AK2: variants seen among roughly 807,000 people sequenced by gnomAD.
The protein encoded by AK2 is adenylate kinase 2, mitochondrial.
AK2 carries 15 observed loss-of-function variants against 24.6 expected under a neutral mutation model. The observed-to-expected ratio is 0.61, with a 90% CI of 0.41 to 0.94. AK2 has a LOEUF of 0.94. Among genes scored for constraint, AK2 ranks in the 40% least tolerant of loss-of-function variants. The pLI, the probability that AK2 is intolerant of heterozygous loss-of-function variation, is 0.00. For synonymous variants in AK2, 102 were observed against 114.0 expected, an observed-to-expected ratio of 0.90 and a Z score of 0.67; for missense variants, 257 against 304.1, an observed-to-expected ratio of 0.85 and a Z score of 1.15.
chr1:33,024,314 C>A, intron 2 of AK2, 128 bp downstream of exon 2: 1 of 1,300,794 alleles, frequency 7.7e-7, no homozygotes. Context: ...GCTAGTGCAA[C>A]TGAGGAACTG....
At position 33,023,401 on chromosome 1, in the gene AK2, T is replaced by TACAACA. The variant is rs71909186; in HGVS notation, c.219+1035_219+1040dup. On this transcript the variant is annotated intron_variant, in intron 2 of 5. Coordinates refer to ENST00000672715, the MANE Select transcript of AK2 (RefSeq NM_001625.4). Reference sequence around the variant, plus strand: ...GGGCAACACAGTGAGACTCCATCTCTACAACAACAACAACAACAACAACAA... The same window carrying TACAACA: ...GGGCAACACAGTGAGACTCCATCTCTACAACAACAACAACAACAACAACAACAACAA... 1.4e-3 allele frequency among the ~76,000 whole-genome samples: 215 copies of TACAACA among 149,846 alleles called. 1 individual carries two copies. The highest frequency in any genetic ancestry group is 5.9e-3 in the East Asian group (30 of 5,058).
rs1258180948 is a variant in AK2, at chr1:33,013,221, A to C, written c.680T>G (p.Phe227Cys). 1 of 1,613,960 alleles carries C rather than the reference A, an allele frequency of 6.2e-7. No homozygotes were observed. Among genetic ancestry groups the C allele is most frequent in the African/African-American group, 1.3e-5 (1 of 74,916 alleles). Reference protein sequence around the residue: ...DVVFASILAAFSKATCKDLVM... With the variant: ...DVVFASILAACSKATCKDLVM... ...CAAGTCTTTACATGTGGCTTTGGAG[A>C]AGGCTGCTAGGATGCTTGCGAACAC... is the stretch of plus-strand genomic sequence containing the variant. The change falls in exon 6 of 6, where the codon TTC (phenylalanine) becomes TGC (cysteine). Residue 227 changes from phenylalanine (F) to cysteine (C), a missense_variant. Transcript: ENST00000672715.
At chr1:33,019,369 C>A (rs2124315660) in intron 4 of AK2, among the ~76,000 whole-genome samples, 1 of 152,268 alleles carries the variant, frequency 6.6e-6, no homozygotes, top group East Asian at 1.9e-4. Flanking sequence ...TCTCCAGTAT[C>A]ACCTGATTCT....
chr1:33,017,652 T>A (rs1207433617), intron 4 of AK2, among the ~76,000 whole-genome samples: 1 of 152,230 alleles, frequency 6.6e-6, no homozygotes, highest in Non-Finnish European at 1.5e-5. Flanking sequence ...AAAATGGGAT[T>A]GCTCTCAAGT....
Position 33,012,043 on chromosome 1 carries a change from A to ATT in AK2, c.*1137_*1138insAA. 1 of 1,535,424 alleles carries ATT rather than the reference A, an allele frequency of 6.5e-7. No individual in the cohort carries two copies. Among genetic ancestry groups the ATT allele is most frequent in the Non-Finnish European group, 8.7e-7 (1 of 1,146,710 alleles). On this transcript the variant is annotated 3_prime_UTR_variant, in exon 6 of 6. Coordinates refer to ENST00000672715, the MANE Select transcript of AK2 (RefSeq NM_001625.4). ...TTTGTTCACACTTGGAAACACAGGCAAACATTAAAAATAAAAGCAAATAAA... is the reference window on the plus strand; with the variant it reads ...TTTGTTCACACTTGGAAACACAGGCATTAACATTAAAAATAAAAGCAAATAAA...
In AK2 at chr1:33,011,634, G is replaced by A; in HGVS notation, c.*1547C>T. On this transcript the variant is annotated 3_prime_UTR_variant, in exon 6 of 6. Transcript: ENST00000672715. ...CTGAGGCTGGCGATATTATTTACTGGATCTGCCACTGACTTTCTAATGGTT... is the reference window on the plus strand; with the variant it reads ...CTGAGGCTGGCGATATTATTTACTGAATCTGCCACTGACTTTCTAATGGTT... 1 of 1,291,668 alleles carries A rather than the reference G, an allele frequency of 7.7e-7. No individual in the cohort carries two copies. The allele number at this position is 1,291,668 out of a possible 1,614,324, so 80.0% of individuals were successfully genotyped here.
At position 33,008,774 on chromosome 1, in the gene AK2, T is replaced by C. The variant is rs1349437332; in HGVS notation, c.*4407A>G. 2 of 453,984 alleles carry C rather than the reference T, an allele frequency of 4.4e-6. No homozygotes were observed. The highest frequency in any genetic ancestry group is 8.8e-6 in the Non-Finnish European group (2 of 226,802). 28.1% of individuals were successfully genotyped at this position (453,984 alleles called of 1,614,324 possible). ...AGGGTTACATGAAGCCTTTGCATAA[T>C]ACCTGGCACAACGTCAGTCTTCCGG... On this transcript the variant is annotated 3_prime_UTR_variant, in exon 6 of 6. Coordinates refer to ENST00000672715, the MANE Select transcript of AK2 (RefSeq NM_001625.4).
chr1:33,008,264 G>C lies in AK2; in HGVS notation c.*4917C>G. 1 of 453,992 alleles carries C rather than the reference G, an allele frequency of 2.2e-6. No individual in the cohort carries two copies. Among genetic ancestry groups the C allele is most frequent in the South Asian group, 1.6e-5 (1 of 64,468 alleles). 28.1% of individuals were successfully genotyped at this position (453,992 alleles called of 1,614,324 possible). The stretch of plus-strand genomic sequence containing the variant: ...GGGTAGGGATCATTCCTATTCTACT[G>C]ATGAGGTGAGATAACTTGTCCAAGG... On this transcript the variant is annotated 3_prime_UTR_variant, in exon 6 of 6. Transcript: ENST00000672715.
chr1:33,035,204 G>T (rs1056330599), intron 1 of AK2, among the ~76,000 whole-genome samples: 1 of 152,142 alleles, frequency 6.6e-6, no homozygotes, highest in East Asian at 1.9e-4. Flanking sequence ...AGGATAAAGG[G>T]ATCAGGTACA....
intron 4 of AK2, chr1:33,019,903 T>C (rs1479920092): frequency 2.9e-6 from 4 of 1,390,756 alleles, no homozygotes; most frequent in African/African-American, 2.9e-5. Context: ...GTAATGGTCA[T>C]GGATGTCTGG....
At chr1:33,019,872 A>T (rs1426832683) in intron 4 of AK2, 16 of 1,313,120 alleles carry the variant, frequency 1.2e-5, no homozygotes, top group Non-Finnish European at 1.5e-5. Flanking sequence ...CCTACTGTGA[A>T]ATATTACACA....
chr1:33,024,404 T>G, intron 2 of AK2, 38 bp downstream of exon 2: 1 of 1,612,394 alleles, frequency 6.2e-7, no homozygotes, highest in Non-Finnish European at 8.5e-7. Context: ...ATCTAGATTC[T>G]GAGGAATATC....
chr1:33,019,836 TA>T, intron 4 of AK2: 1 of 1,200,286 alleles, frequency 8.3e-7, no homozygotes, highest in Non-Finnish European at 1.0e-6. Flanking sequence ...TGTACAACAA[TA>T]AGGAAATAAG....
At chr1:33,032,033 G>A (rs1056561023) in intron 1 of AK2, 2 of 205,176 alleles carry the variant, frequency 9.7e-6, no homozygotes, top group East Asian at 1.3e-4. Context: ...CATTATTTCA[G>A]TCATGCAACA....
At chr1:33,020,659 A>G (rs149795948) in intron 4 of AK2, among the ~76,000 whole-genome samples, 4,094 of 151,458 alleles carry the variant, frequency 0.027, 94 homozygotes, top group Middle Eastern at 0.11. Context: ...AGCATGGCCA[A>G]CATGGTGAAG....
Position 33,009,462 on chromosome 1 carries a change from G to C in AK2, c.*3719C>G, listed in dbSNP as rs1251772385. ...CAAGTGTCCATTCAACAGTTATCCA[G>C]CCTGGCAGGAAGCAGATATCTTTCT... is the stretch of plus-strand genomic sequence containing the variant. On this transcript the variant is annotated 3_prime_UTR_variant, in exon 6 of 6. Transcript: ENST00000672715. 2.2e-6 allele frequency: 1 copy of C among 454,026 alleles called. No individual in the cohort carries two copies. Among genetic ancestry groups the C allele is most frequent in the African/African-American group, 2.0e-5 (1 of 50,014 alleles). The allele number at this position is 454,026 out of a possible 1,614,324, so 28.1% of individuals were successfully genotyped here. A position where few individuals can be genotyped will look rare whatever the true frequency, so the allele number is the denominator to read the frequency against.
intron 2 of AK2, 161 bp downstream of exon 2, chr1:33,024,281 G>T: frequency 2.1e-6 from 2 of 975,296 alleles, no homozygotes; most frequent in Non-Finnish European, 3.2e-6. Context: ...TATCAGCGTT[G>T]GCTGGTAAAT....
At chr1:33,020,648 C>G (rs1462318808) in intron 4 of AK2, among the ~76,000 whole-genome samples, 4 of 151,470 alleles carry the variant, frequency 2.6e-5, no homozygotes, top group Non-Finnish European at 5.9e-5. Context: ...AGTTTGAGAC[C>G]AGCATGGCCA....
chr1:33,019,870 G>A (rs1378483868), intron 4 of AK2: 2 of 1,309,000 alleles, frequency 1.5e-6, no homozygotes, highest in East Asian at 6.3e-5. Flanking sequence ...AACCTACTGT[G>A]AAATATTACA....
Sources: gnomAD v4.1 joint callset for allele counts (sites outside exome capture counted in the v4.1 genomes callset) on GRCh38, gnomAD v4.1.1 for gene constraint, MANE v1.5 for transcripts, NCBI Gene and HGNC (gene_info 2026-07-23, HGNC 2026-07-21) for gene names.